ADGB: variants seen among roughly 807,000 people sequenced by gnomAD.
ADGB encodes androglobin, also known as calpain-7-like protein.
Under a neutral mutation model 210.5 loss-of-function variants are expected in ADGB, and 172 were observed. That is an observed-to-expected ratio of 0.82 (90% CI 0.72 to 0.93). The LOEUF is 0.93. Among genes scored for constraint, ADGB ranks in the 40% least tolerant of loss-of-function variants. The pLI is 0.00. For synonymous variants in ADGB, 658 were observed against 662.7 expected, an observed-to-expected ratio of 0.99 and a Z score of 0.11; for missense variants, 2,025 against 1,964.8, an observed-to-expected ratio of 1.03 and a Z score of -0.58.
chr6:146,721,631 A>C (rs1776816466), intron 17 of ADGB, 126 bp downstream of exon 17: 1 of 612,012 alleles, frequency 1.6e-6, no homozygotes, highest in Admixed American at 2.8e-5. Flanking sequence ...TGAAGTCAGG[A>C]GTCCTAGGCC....
intron 35 of ADGB, chr6:146,807,267 TA>T: frequency 1.2e-6 from 1 of 853,436 alleles, no homozygotes; most frequent in Non-Finnish European, 1.8e-6. Context: ...GACCATACAC[TA>T]ATTTTCATCT....
chr6:146,645,408 T>C (rs1775593790), intron 3 of ADGB, among the ~76,000 whole-genome samples: 1 of 152,020 alleles, frequency 6.6e-6, no homozygotes, highest in African/African-American at 2.4e-5. Context: ...TTATAGAGAT[T>C]AAGAGATTAA....
intron 1 of ADGB, among the ~76,000 whole-genome samples, chr6:146,599,573 C>A (rs1269753461): frequency 2.0e-5 from 3 of 152,284 alleles, no homozygotes; most frequent in African/African-American, 7.2e-5. Context: ...CCAACGACTA[C>A]GATCTTTAAT....
chr6:146,763,098 CTACTT>C (rs1259374072), intron 27 of ADGB, among the ~76,000 whole-genome samples: 1 of 152,184 alleles, frequency 6.6e-6, no homozygotes, highest in East Asian at 1.9e-4. Flanking sequence ...CTGCTGTTCA[CTACTT>C]TGGGCTGTAC....
Position 146,741,108 on chromosome 6 carries a change from G to A in ADGB, c.3024-10G>A. 1 of 1,501,672 alleles carries A rather than the reference G, an allele frequency of 6.7e-7. No homozygotes were observed. Among genetic ancestry groups the A allele is most frequent in the Non-Finnish European group, 8.9e-7 (1 of 1,124,924 alleles). 93.0% of individuals were successfully genotyped at this position (1,501,672 alleles called of 1,614,324 possible). A position where few individuals can be genotyped will look rare whatever the true frequency, so the allele number is the denominator to read the frequency against. On this transcript the variant is annotated splice_polypyrimidine_tract_variant and intron_variant, in intron 24 of 35. Transcript: ENST00000397944. ...ACATCAAGGGAAAGTTCATGCTTTT[G>A]TAATTACAGAGAAACATTTTTGGTT... is the stretch of plus-strand genomic sequence containing the variant.
intron 35 of ADGB, among the ~76,000 whole-genome samples, chr6:146,806,006 T>C (rs1376259747): frequency 6.6e-6 from 1 of 152,252 alleles, no homozygotes; most frequent in Non-Finnish European, 1.5e-5. Context: ...GAGGAATGTC[T>C]GTTTTGCAAA....
rs1246501026 is a variant in ADGB at position 146,752,674 on chromosome 6, A to C, written c.3510A>C (p.Ala1170=). ...STGKGQAIIP[A]FHFLKSEKGL... ...GAAAAGGCCAAGCTATAATCCCAGC[A>C]TTTCACTTCTTGAAGAGTGAGAAAG... Residue 1170 remains alanine (A), a synonymous_variant, in exon 27 of 36, where the codon GCA becomes GCC. Transcript: ENST00000397944. The C allele has an allele frequency of 3.2e-6, 5 of 1,550,742 alleles. No individual in the cohort carries two copies. Among genetic ancestry groups the C allele is most frequent in the Non-Finnish European group, 2.6e-6 (3 of 1,146,354 alleles).
At chr6:146,661,291 G>C (rs1775854129) in intron 5 of ADGB, among the ~76,000 whole-genome samples, 2 of 133,978 alleles carry the variant, frequency 1.5e-5, no homozygotes, top group African/African-American at 2.8e-5. Context: ...CACAATTATA[G>C]CTCACTGCAG....
chr6:146,809,423 C>G (rs1032608762), intron 35 of ADGB, among the ~76,000 whole-genome samples: 1 of 152,136 alleles, frequency 6.6e-6, no homozygotes, highest in Non-Finnish European at 1.5e-5. Flanking sequence ...CCAGGCTGGT[C>G]TTGAACTCTT....
intron 29 of ADGB, among the ~76,000 whole-genome samples, chr6:146,777,228 C>G (rs1777733621): frequency 6.6e-6 from 1 of 152,028 alleles, no homozygotes; most frequent in Admixed American, 6.6e-5. Flanking sequence ...TTTGAGAATA[C>G]AGATTCAACT....
intron 8 of ADGB, 72 bp downstream of exon 8, chr6:146,672,539 G>C (rs1776024765): frequency 6.9e-7 from 1 of 1,447,436 alleles, no homozygotes; most frequent in Non-Finnish European, 9.1e-7. Flanking sequence ...TTTATTTGAT[G>C]TGTTGCTGGA....
intron 35 of ADGB, chr6:146,802,926 C>T (rs1778154165): frequency 6.2e-7 from 1 of 1,610,388 alleles, no homozygotes; most frequent in South Asian, 1.1e-5. Flanking sequence ...ATATTTCCAT[C>T]ATTTAAAATT....
At chr6:146,615,059 C>T (rs1270426216) in intron 1 of ADGB, among the ~76,000 whole-genome samples, 1 of 149,856 alleles carries the variant, frequency 6.7e-6, no homozygotes, top group Non-Finnish European at 1.5e-5. Flanking sequence ...CACCACCACG[C>T]CCGGCTAATT....
At position 146,801,921 on chromosome 6, in the gene ADGB, T is replaced by C. The variant is rs1025274202; in HGVS notation, c.4728T>C (p.His1576=). Residue 1576 remains histidine (H), a synonymous_variant, in exon 35 of 36, where the codon CAT becomes CAC. Transcript: ENST00000397944. ...KAEEIHQFRQ[H]RTRVLSIRNI... The stretch of plus-strand genomic sequence containing the variant: ...AAGAAATTCATCAGTTTCGACAGCA[T>C]AGGACCAGAGTCCTTAGCATTCGAA... 1.0e-5 allele frequency: 16 copies of C among 1,551,250 alleles called. No homozygotes were observed. The African/African-American group carries it at 1.8e-4, about 17-fold the overall frequency.
At chr6:146,675,995 G>T (rs1275113941) in intron 8 of ADGB, among the ~76,000 whole-genome samples, 1 of 152,022 alleles carries the variant, frequency 6.6e-6, no homozygotes, top group Non-Finnish European at 1.5e-5. Flanking sequence ...TTTTTAAAAT[G>T]AGAAAATTAC....
intron 13 of ADGB, among the ~76,000 whole-genome samples, chr6:146,709,708 G>A (rs1776632730): frequency 1.3e-5 from 2 of 152,150 alleles, no homozygotes; most frequent in African/African-American, 4.8e-5. Flanking sequence ...TGCTTTACTG[G>A]TCCAGCCTGT....
chr6:146,744,042 AT>A (rs905342327), intron 25 of ADGB, among the ~76,000 whole-genome samples: 2 of 152,192 alleles, frequency 1.3e-5, no homozygotes, highest in African/African-American at 4.8e-5. Context: ...ATCTTTGAAC[AT>A]TTATCCAAAC....
intron 31 of ADGB, 34 bp downstream of exon 31, chr6:146,784,828 T>A (rs751093958): frequency 8.1e-4 from 1,236 of 1,530,784 alleles, no homozygotes; most frequent in Non-Finnish European, 1.0e-3. Flanking sequence ...CATCTTTTAC[T>A]TTTCCTCCTT....
intron 1 of ADGB, 32 bp downstream of exon 1, chr6:146,599,146 T>A: frequency 1.3e-6 from 2 of 1,540,384 alleles, no homozygotes; most frequent in South Asian, 2.4e-5. Context: ...GTCCCTCCCC[T>A]GGCCTAGCCC....
Sources: allele counts gnomAD v4.1 joint callset (sites outside exome capture counted in the v4.1 genomes callset), GRCh38; gene constraint gnomAD v4.1.1; transcripts MANE v1.5; gene names NCBI Gene and HGNC (gene_info 2026-07-23, HGNC 2026-07-21).